KCNJ3: variants seen among roughly 807,000 people sequenced by gnomAD.
KCNJ3 encodes the protein potassium inwardly rectifying channel subfamily J member 3.
A neutral mutation model predicts 39.2 loss-of-function variants in KCNJ3; 4 were observed. The ratio of observed to expected loss-of-function variants is 0.10; its 90% CI spans 0.05 to 0.23. The LOEUF (loss-of-function observed/expected upper bound fraction) is 0.23, where lower values mean the gene tolerates loss of function less well. Ranked by LOEUF, KCNJ3 falls within the 10% of genes least tolerant of loss-of-function variation. The pLI is 1.00. For missense variants in KCNJ3, 276 were observed against 634.9 expected, an observed-to-expected ratio of 0.43 and a Z score of 6.08; for synonymous variants, 230 against 237.4, an observed-to-expected ratio of 0.97 and a Z score of 0.29.
chr2:154,780,081 C>T (rs1433918957), intron 2 of KCNJ3, among the ~76,000 whole-genome samples: 1 of 152,014 alleles, frequency 6.6e-6, no homozygotes, highest in Non-Finnish European at 1.5e-5. Context: ...AAATGTACTA[C>T]CTTGGAAAGG....
At chr2:154,811,618 A>G (rs1687009272) in intron 2 of KCNJ3, among the ~76,000 whole-genome samples, 1 of 152,062 alleles carries the variant, frequency 6.6e-6, no homozygotes, top group African/African-American at 2.4e-5. Context: ...TAGAGGGGGA[A>G]ACTTTGTTCC....
At chr2:154,700,105 T>G (rs1025027912) in intron 1 of KCNJ3, among the ~76,000 whole-genome samples, 2 of 152,218 alleles carry the variant, frequency 1.3e-5, no homozygotes, top group Non-Finnish European at 2.9e-5. Context: ...TAAATTTTTA[T>G]TTTTACTAAA....
chr2:154,835,369 T>C (rs1275287719), intron 2 of KCNJ3, among the ~76,000 whole-genome samples: 2 of 151,120 alleles, frequency 1.3e-5, no homozygotes, highest in Non-Finnish European at 1.5e-5. Context: ...CAAAAAGTAA[T>C]ATATTTAAGG....
intron 2 of KCNJ3, among the ~76,000 whole-genome samples, chr2:154,767,747 T>C (rs1271607114): frequency 1.3e-5 from 2 of 152,208 alleles, no homozygotes; most frequent in African/African-American, 2.4e-5. Context: ...TTCTAGATCC[T>C]TGAGGAATTG....
chr2:154,711,425 A>G (rs1685100631), intron 2 of KCNJ3, among the ~76,000 whole-genome samples: 1 of 152,078 alleles, frequency 6.6e-6, no homozygotes, highest in Non-Finnish European at 1.5e-5. Flanking sequence ...ACTGACATTA[A>G]TGCATTTTTG....
intron 2 of KCNJ3, among the ~76,000 whole-genome samples, chr2:154,765,541 T>C (rs373524554): frequency 4.6e-5 from 7 of 152,358 alleles, no homozygotes; most frequent in East Asian, 1.9e-4. Flanking sequence ...ATTTGTGAAC[T>C]GAATGATCTT....
At chr2:154,718,686 C>T (rs1362168909) in intron 2 of KCNJ3, among the ~76,000 whole-genome samples, 2 of 152,072 alleles carry the variant, frequency 1.3e-5, no homozygotes, top group African/African-American at 2.4e-5. Flanking sequence ...CACAAAAATA[C>T]GTAAAAAGAA....
intron 2 of KCNJ3, among the ~76,000 whole-genome samples, chr2:154,759,541 G>GT: frequency 6.6e-6 from 1 of 151,638 alleles, no homozygotes; most frequent in East Asian, 1.9e-4. Flanking sequence ...TGAAATATTT[G>GT]TTTTTTTCTT....
intron 2 of KCNJ3, among the ~76,000 whole-genome samples, chr2:154,820,380 G>C (rs1687151737): frequency 6.6e-6 from 1 of 152,098 alleles, no homozygotes; most frequent in African/African-American, 2.4e-5. Flanking sequence ...TAGAACAAAT[G>C]GTTTGATTTG....
intron 2 of KCNJ3, among the ~76,000 whole-genome samples, chr2:154,759,896 T>G (rs1686008781): frequency 6.6e-6 from 1 of 152,188 alleles, no homozygotes; most frequent in African/African-American, 2.4e-5. Context: ...AATAGATCAT[T>G]TGTTTCTAAT....
At chr2:154,703,884 A>G (rs1684953844) in intron 1 of KCNJ3, among the ~76,000 whole-genome samples, 1 of 152,116 alleles carries the variant, frequency 6.6e-6, no homozygotes, top group African/African-American at 2.4e-5. Context: ...ATATTTGTAA[A>G]AGCCCTGTTC....
intron 1 of KCNJ3, among the ~76,000 whole-genome samples, chr2:154,705,073 T>C (rs1684979146): frequency 6.6e-6 from 1 of 152,162 alleles, no homozygotes; most frequent in Non-Finnish European, 1.5e-5. Context: ...CTTTAGAATA[T>C]GATAGAGGTA....
chr2:154,839,294 GTATAA>G lies in KCNJ3; in HGVS notation c.920-15428_920-15424del, dbSNP rs370574299. 2.4e-3 allele frequency among the ~76,000 whole-genome samples: 368 copies of G among 151,276 alleles called. 2 individuals are homozygous for G. The highest frequency in any genetic ancestry group is 8.3e-3 in the African/African-American group (344 of 41,418). ...TATGAACTCATCCTTTTTTATGACT[GTATAA>G]TATATGTGCCACATTTTCTTAATCC... On this transcript the variant is annotated intron_variant, in intron 2 of 2. Coordinates refer to ENST00000295101, the MANE Select transcript of KCNJ3 (RefSeq NM_002239.4).
At chr2:154,792,338 C>G (rs1292893752) in intron 2 of KCNJ3, among the ~76,000 whole-genome samples, 1 of 152,042 alleles carries the variant, frequency 6.6e-6, no homozygotes, top group Non-Finnish European at 1.5e-5. Flanking sequence ...TGATGACACA[C>G]TCCACTGAAT....
chr2:154,825,029 C>T (rs1451422723), intron 2 of KCNJ3, among the ~76,000 whole-genome samples: 4 of 152,176 alleles, frequency 2.6e-5, no homozygotes, highest in Admixed American at 1.3e-4. Flanking sequence ...TGCTTATTTA[C>T]TTGATGTCTC....
intron 2 of KCNJ3, among the ~76,000 whole-genome samples, chr2:154,794,909 A>G (rs1425472847): frequency 6.6e-6 from 1 of 152,008 alleles, no homozygotes; most frequent in Non-Finnish European, 1.5e-5. Flanking sequence ...TCGTGTTAAC[A>G]AAGAAGAATT....
intron 2 of KCNJ3, among the ~76,000 whole-genome samples, chr2:154,766,152 T>C (rs1401318905): frequency 1.3e-5 from 2 of 152,188 alleles, no homozygotes; most frequent in African/African-American, 4.8e-5. Flanking sequence ...AGATATTTCT[T>C]TCTGCAAAAG....
intron 2 of KCNJ3, among the ~76,000 whole-genome samples, chr2:154,825,397 G>A (rs760848282): frequency 2.6e-5 from 4 of 152,062 alleles, no homozygotes; most frequent in African/African-American, 4.8e-5. Flanking sequence ...TTTATCTTCA[G>A]TGCCTAGTAC....
At position 154,798,606 on chromosome 2, in the gene KCNJ3, G is replaced by C. The variant is rs146206435; in HGVS notation, c.920-56121G>C. Among the ~76,000 whole-genome samples, 460 of 152,240 alleles carry C rather than the reference G, an allele frequency of 3.0e-3. 3 individuals are homozygous for C. The highest frequency in any genetic ancestry group is 0.01 in the African/African-American group (426 of 41,552). On this transcript the variant is annotated intron_variant, in intron 2 of 2. Coordinates refer to ENST00000295101, the MANE Select transcript of KCNJ3 (RefSeq NM_002239.4). ...GGGATATATCAGTGACAAAAAAATA[G>C]AGTCTGTGAATATTGAAACCTGAGC...
Sources: allele counts gnomAD v4.1 joint callset (sites outside exome capture counted in the v4.1 genomes callset), GRCh38; gene constraint gnomAD v4.1.1; transcripts MANE v1.5; gene names NCBI Gene and HGNC (gene_info 2026-07-23, HGNC 2026-07-21).